TRIOBP: variants seen among roughly 807,000 people sequenced by gnomAD.
TRIOBP encodes the protein TRIO and F-actin-binding protein.
A neutral mutation model predicts 238.8 loss-of-function variants in TRIOBP; 169 were observed. That is an observed-to-expected ratio of 0.71 (90% CI 0.62 to 0.80). The LOEUF is 0.80. Ranked by LOEUF, TRIOBP falls within the 30% of genes least tolerant of loss-of-function variation. TRIOBP has a pLI of 0.00. For synonymous variants in TRIOBP, 1,150 were observed against 1,274.4 expected (o/e 0.90, Z 2.08); for missense variants, 2,838 against 3,122.6 (o/e 0.91, Z 2.17).
intron 7 of TRIOBP, 151 bp downstream of exon 7, chr22:37,726,654 C>T (rs929487448): frequency 1.3e-6 from 1 of 792,300 alleles, no homozygotes; most frequent in African/African-American, 1.8e-5. Context: ...CTCCATTTCT[C>T]TGTTTCTGCA....
At position 37,723,542 on chromosome 22, in the gene TRIOBP, C is replaced by T. The variant is rs1297827107; in HGVS notation, c.986C>T (p.Thr329Ile). Residue 329 changes from threonine (T) to isoleucine (I), a missense_variant, in exon 7 of 24, where the codon ACC (threonine) becomes ATC (isoleucine). Transcript: ENST00000644935. ...TPRASSTQED[T>I]PRASSTQWNT... The stretch of plus-strand genomic sequence containing the variant: ...AGGGCCTCATCCACCCAAGAGGACA[C>T]CCCCAGGGCCTCATCTACACAGTGG... The T allele has an allele frequency of 2.9e-5, 47 of 1,613,050 alleles. No homozygotes were observed. The highest frequency in any genetic ancestry group is 3.7e-5 in the Non-Finnish European group (44 of 1,179,776).
In TRIOBP at chr22:37,723,532, C is replaced by G. The variant is rs372529440; in HGVS notation, c.976C>G (p.Gln326Glu). ...QEDTPRASST[Q>E]EDTPRASSTQ... The stretch of plus-strand genomic sequence containing the variant: ...GGACACCCCTAGGGCCTCATCCACC[C>G]AAGAGGACACCCCCAGGGCCTCATC... The change falls in exon 7 of 24, where the codon CAA becomes GAA. Residue 326 changes from glutamine (Q) to glutamate (E), a missense_variant. Gln to Glu is a conservative substitution (Grantham distance 29). This residue lies in a region of TRIOBP where 535 missense variants were observed against 537.3 expected (regional missense o/e 1.00). Transcript: ENST00000644935. 5.6e-6 allele frequency: 9 copies of G among 1,612,822 alleles called. No homozygotes were observed. Among genetic ancestry groups the G allele is most frequent in the Non-Finnish European group, 7.6e-6 (9 of 1,179,626 alleles).
rs1454959630 is a variant in TRIOBP, at chr22:37,775,743, C to G, written c.*1963C>G. 1 of 152,134 alleles carries G rather than the reference C, an allele frequency of 6.6e-6. No individual in the cohort carries two copies. 9.4% of individuals were successfully genotyped at this position (152,134 alleles called of 1,614,324 possible). The stretch of plus-strand genomic sequence containing the variant: ...CAGAAGTTGCAGTGAGCCAAGATCG[C>G]GCCACTGCACTCCAGCCTGTGTGAC... On this transcript the variant is annotated 3_prime_UTR_variant, in exon 24 of 24. Coordinates refer to ENST00000644935, the MANE Select transcript of TRIOBP (RefSeq NM_001039141.3).
intron 11 of TRIOBP, chr22:37,751,484 G>A (rs1274141254): frequency 2.0e-6 from 1 of 500,284 alleles, no homozygotes. Flanking sequence ...TTGGGCGAGG[G>A]GTCGGCTGGA....
At position 37,751,090 on chromosome 22, in the gene TRIOBP, C is replaced by G. The variant is rs566998040; in HGVS notation, c.5323-682C>G. The G allele has an allele frequency of 1.5e-3, 623 of 426,894 alleles. 2 individuals are homozygous for G. Among genetic ancestry groups the G allele is most frequent in the Non-Finnish European group, 2.1e-3 (432 of 209,212 alleles). 26.4% of individuals were successfully genotyped at this position (426,894 alleles called of 1,614,324 possible). ...GTCAGAAAAATATCAGGATGAGCAACTTCTTTATCTAGGCCTGGGTGGGGG... is the reference window on the plus strand; with the variant it reads ...GTCAGAAAAATATCAGGATGAGCAAGTTCTTTATCTAGGCCTGGGTGGGGG... On this transcript the variant is annotated intron_variant, in intron 11 of 23. Coordinates refer to ENST00000644935, the MANE Select transcript of TRIOBP (RefSeq NM_001039141.3).
At chr22:37,738,621 T>C in intron 9 of TRIOBP, 21 bp from the exon 10 acceptor site, 1 of 1,612,936 alleles carries the variant, frequency 6.2e-7, no homozygotes. Context: ...GGCTAAGCTG[T>C]GTTCTTTTTT....
chr22:37,750,522 C>T (rs532978074), intron 11 of TRIOBP: 10 of 402,358 alleles, frequency 2.5e-5, no homozygotes, highest in East Asian at 1.5e-4. Flanking sequence ...AGCTTGGGAT[C>T]GCCCTGGGCA....
intron 17 of TRIOBP, chr22:37,759,894 A>G (rs1926154184): frequency 2.2e-6 from 1 of 451,662 alleles, no homozygotes; most frequent in Non-Finnish European, 3.2e-6. Context: ...TATAAATTTT[A>G]CCAATAAAAA....
At chr22:37,727,769 TG>T (rs1433796612) in intron 7 of TRIOBP, among the ~76,000 whole-genome samples, 5 of 152,212 alleles carry the variant, frequency 3.3e-5, no homozygotes, top group African/African-American at 1.2e-4. Context: ...CTGGGACACC[TG>T]AAGTCCAGGT....
intron 14 of TRIOBP, 109 bp from the exon 15 acceptor site, chr22:37,755,441 G>T: frequency 9.4e-7 from 1 of 1,069,166 alleles, no homozygotes; most frequent in South Asian, 1.3e-5. Context: ...CCAGACTCAA[G>T]ACCTTAGATG....
intron 21 of TRIOBP, among the ~76,000 whole-genome samples, chr22:37,770,313 G>A (rs1407821193): frequency 4.6e-5 from 7 of 150,764 alleles, no homozygotes; most frequent in Admixed American, 6.6e-5. Flanking sequence ...TGGCGGGCGC[G>A]GTGGCGGGTG....
intron 11 of TRIOBP, chr22:37,746,083 GCGC>G: frequency 1.6e-6 from 1 of 630,316 alleles, no homozygotes; most frequent in Non-Finnish European, 2.0e-6. Flanking sequence ...CCGCCCTAGC[GCGC>G]CCGTCCCGTT....
At chr22:37,705,560 G>A (rs1198198555) in intron 3 of TRIOBP, among the ~76,000 whole-genome samples, 1 of 151,768 alleles carries the variant, frequency 6.6e-6, no homozygotes, top group Non-Finnish European at 1.5e-5. Context: ...TTAGGATTCT[G>A]AGGTTTTTTT....
At position 37,713,008 on chromosome 22, in the gene TRIOBP, CA is replaced by C. The variant is rs1232130357; in HGVS notation, c.255-192del. Among the ~76,000 whole-genome samples, 68 of 141,270 alleles carry C rather than the reference CA, an allele frequency of 4.8e-4. 1 individual carries two copies. Among genetic ancestry groups the C allele is most frequent in the African/African-American group, 1.4e-3 (56 of 38,638 alleles). 92.7% of individuals were successfully genotyped at this position (141,270 alleles called of 152,430 possible). On this transcript the variant is annotated intron_variant, in intron 4 of 23. Transcript: ENST00000644935. ...AATAAATAAATAAATAATAAAATTACAAAAAAAAAAGGGATGCTGTTTTAGC... is the reference window on the plus strand; with the variant it reads ...AATAAATAAATAAATAATAAAATTACAAAAAAAAAGGGATGCTGTTTTAGC...
At chr22:37,755,236 G>A (rs1445009248) in intron 14 of TRIOBP, 46 bp downstream of exon 14, 1 of 1,574,072 alleles carries the variant, frequency 6.4e-7, no homozygotes, top group Non-Finnish European at 8.6e-7. Flanking sequence ...CAGCATGGCT[G>A]GAGGTCCCTG....
intron 23 of TRIOBP, 53 bp downstream of exon 23, chr22:37,772,817 A>AT: frequency 6.3e-7 from 1 of 1,592,320 alleles, no homozygotes. Flanking sequence ...AGGCTCTCCC[A>AT]CACCCGGGAC....
At chr22:37,715,965 G>T in intron 6 of TRIOBP, 31 bp downstream of exon 6, 1 of 1,610,966 alleles carries the variant, frequency 6.2e-7, no homozygotes, top group Non-Finnish European at 8.5e-7. Flanking sequence ...GGTTCCCATG[G>T]TGATGGCCTG....
chr22:37,721,395 G>A (rs1923822012), intron 6 of TRIOBP, among the ~76,000 whole-genome samples: 1 of 152,240 alleles, frequency 6.6e-6, no homozygotes, highest in Non-Finnish European at 1.5e-5. Context: ...GGACGAGGCA[G>A]TGGCTGCAAA....
chr22:37,706,371 G>T (rs192234455), intron 3 of TRIOBP, among the ~76,000 whole-genome samples: 1 of 152,262 alleles, frequency 6.6e-6, no homozygotes, highest in Admixed American at 6.5e-5. Context: ...AAGAAAGTGT[G>T]GAATGAGATG....
Sources: gnomAD v4.1 joint callset for allele counts (sites outside exome capture counted in the v4.1 genomes callset) on GRCh38, gnomAD v4.1.1 for gene constraint, gnomAD v4.1.1 regional missense constraint, MANE v1.5 for transcripts, NCBI Gene and HGNC (gene_info 2026-07-23, HGNC 2026-07-21) for gene names.